Variants in ITGBL1 observed in about 807,000 individuals in gnomAD.
ITGBL1 encodes the protein integrin beta-like protein 1.
Under a neutral mutation model 68.5 loss-of-function variants are expected in ITGBL1, and 51 were observed. That is an observed-to-expected ratio of 0.74 (90% CI 0.59 to 0.94). The LOEUF is 0.94. ITGBL1 is among the 40% of genes least tolerant of loss of function. The probability of loss-of-function intolerance (pLI) is 0.00; values close to 1 mark genes in which losing one functional copy is unlikely to be tolerated. For missense variants in ITGBL1, 649 were observed against 647.4 expected (o/e 1.00, Z -0.03); for synonymous variants, 209 against 227.3 (o/e 0.92, Z 0.72).
At chr13:101,676,461 C>T (rs1244181790) in intron 7 of ITGBL1, among the ~76,000 whole-genome samples, 1 of 152,148 alleles carries the variant, frequency 6.6e-6, no homozygotes, top group Non-Finnish European at 1.5e-5. Flanking sequence ...GTTCCAATTA[C>T]TGTATTTGCA....
At position 101,629,983 on chromosome 13, in the gene ITGBL1, C is replaced by T. The variant is rs559255747; in HGVS notation, c.1015+31684C>T. On this transcript the variant is annotated intron_variant, in intron 7 of 10. Transcript: ENST00000376180. Reference sequence around the variant, plus strand: ...GATTACAGGTGCCTGCCACCACGCCCGGCTCATTTTTTGTATTTTTAGTAG... The same window carrying T: ...GATTACAGGTGCCTGCCACCACGCCTGGCTCATTTTTTGTATTTTTAGTAG... Among the ~76,000 whole-genome samples the T allele has an allele frequency of 2.1e-3, 316 of 152,078 alleles. 1 individual carries two copies. Among genetic ancestry groups the T allele is most frequent in the African/African-American group, 7.1e-3 (293 of 41,498 alleles).
intron 2 of ITGBL1, among the ~76,000 whole-genome samples, chr13:101,465,158 T>C (rs769493324): frequency 6.6e-6 from 1 of 152,298 alleles, no homozygotes; most frequent in Non-Finnish European, 1.5e-5. Flanking sequence ...ATACTAAAAC[T>C]GTGCAAAGAT....
intron 4 of ITGBL1, among the ~76,000 whole-genome samples, chr13:101,576,528 T>C (rs1390912913): frequency 2.0e-5 from 3 of 152,184 alleles, no homozygotes; most frequent in African/African-American, 7.2e-5. Context: ...GGGATTCCAG[T>C]TGAAGGAAGA....
At chr13:101,612,484 A>G (rs2031179365) in intron 7 of ITGBL1, among the ~76,000 whole-genome samples, 1 of 152,118 alleles carries the variant, frequency 6.6e-6, no homozygotes, top group Admixed American at 6.6e-5. Flanking sequence ...AAGTCTGGGT[A>G]TGGTTAATGA....
intron 9 of ITGBL1, chr13:101,712,701 T>C (rs572537505): frequency 6.6e-6 from 1 of 152,328 alleles, no homozygotes; most frequent in East Asian, 1.9e-4. Flanking sequence ...GTCAATGAAA[T>C]ACTCCATGTG....
chr13:101,637,481 C>T (rs1043794043), intron 7 of ITGBL1, among the ~76,000 whole-genome samples: 7 of 151,672 alleles, frequency 4.6e-5, no homozygotes, highest in Non-Finnish European at 1.5e-5. Context: ...GTAGCTGGGA[C>T]TACAGGCACG....
At chr13:101,503,808 A>G (rs1256608801) in intron 2 of ITGBL1, among the ~76,000 whole-genome samples, 2 of 152,204 alleles carry the variant, frequency 1.3e-5, no homozygotes, top group African/African-American at 2.4e-5. Context: ...GATGGACTAG[A>G]TGATGGATGC....
intron 2 of ITGBL1, among the ~76,000 whole-genome samples, chr13:101,544,096 G>A (rs887840649): frequency 6.6e-6 from 1 of 152,182 alleles, no homozygotes; most frequent in African/African-American, 2.4e-5. Context: ...TTGCTGGTGA[G>A]GAGCTGCGTT....
intron 2 of ITGBL1, among the ~76,000 whole-genome samples, chr13:101,473,639 G>A (rs982258110): frequency 2.0e-5 from 3 of 152,188 alleles, no homozygotes; most frequent in Non-Finnish European, 4.4e-5. Context: ...GCCAGTGGAT[G>A]TGGGATGCAT....
Position 101,454,027 on chromosome 13 carries a change from G to A in ITGBL1, c.243G>A (p.Pro81=), listed in dbSNP as rs1594817537. 2.5e-6 allele frequency: 4 copies of A among 1,588,750 alleles called. No homozygotes were observed. The South Asian group carries it at 3.5e-5, about 14-fold the overall frequency. ...TCTGCATCTGCCACGTGACTGAGCCGGGCATGTTCTTCGGGCCCCTGTGTG... is the reference window on the plus strand; with the variant it reads ...TCTGCATCTGCCACGTGACTGAGCCAGGCATGTTCTTCGGGCCCCTGTGTG... ...CGVCICHVTE[P]GMFFGPLCEC... is the part of the protein sequence containing the mutation. The change falls in exon 2 of 11, where the codon CCG becomes CCA. Residue 81 remains proline, a synonymous_variant. Transcript: ENST00000376180.
At chr13:101,453,083 C>T (rs2048186886) in intron 1 of ITGBL1, 152 bp downstream of exon 1, 1 of 623,724 alleles carries the variant, frequency 1.6e-6, no homozygotes, top group Non-Finnish European at 2.9e-6. Flanking sequence ...CTCCTTATAT[C>T]TACAGCGTGT....
At chr13:101,482,582 A>T (rs764260918) in intron 2 of ITGBL1, among the ~76,000 whole-genome samples, 2 of 152,122 alleles carry the variant, frequency 1.3e-5, no homozygotes, top group Non-Finnish European at 2.9e-5. Context: ...AAACACCCTA[A>T]ATATACCATG....
At chr13:101,538,095 C>T (rs1159321216) in intron 2 of ITGBL1, among the ~76,000 whole-genome samples, 2 of 151,786 alleles carry the variant, frequency 1.3e-5, no homozygotes, top group Non-Finnish European at 2.9e-5. Context: ...ATTATAATTT[C>T]ATGTATGTAA....
At chr13:101,511,665 T>C (rs2139111973) in intron 2 of ITGBL1, among the ~76,000 whole-genome samples, 1 of 152,192 alleles carries the variant, frequency 6.6e-6, no homozygotes, top group Non-Finnish European at 1.5e-5. Flanking sequence ...AGAAGCAAGT[T>C]TCCATACATC....
At chr13:101,469,760 G>A (rs1011341105) in intron 2 of ITGBL1, among the ~76,000 whole-genome samples, 5 of 152,126 alleles carry the variant, frequency 3.3e-5, no homozygotes, top group Admixed American at 2.6e-4. Flanking sequence ...GTGGCAATGC[G>A]CTGATCTTTT....
rs115468583 is a variant in ITGBL1 at position 101,644,171 on chromosome 13, C to T, written c.1015+45872C>T. 5.9e-3 allele frequency among the ~76,000 whole-genome samples: 899 copies of T among 152,148 alleles called. 11 individuals are homozygous for T. Among genetic ancestry groups the T allele is most frequent in the African/African-American group, 0.021 (853 of 41,484 alleles). ...AGCTTCCAGTTACCCTCATACTTGT[C>T]GAGTACAGTCTAATGGAGAATAAAA... On this transcript the variant is annotated intron_variant, in intron 7 of 10. Coordinates refer to ENST00000376180, the MANE Select transcript of ITGBL1 (RefSeq NM_004791.3).
chr13:101,464,566 C>T (rs1442760480), intron 2 of ITGBL1, among the ~76,000 whole-genome samples: 1 of 151,682 alleles, frequency 6.6e-6, no homozygotes, highest in Non-Finnish European at 1.5e-5. Context: ...TATATATCCT[C>T]CTATATATTA....
chr13:101,649,272 T>C (rs1365922267), intron 7 of ITGBL1, among the ~76,000 whole-genome samples: 1 of 152,166 alleles, frequency 6.6e-6, no homozygotes, highest in African/African-American at 2.4e-5. Flanking sequence ...TGAGAAATTA[T>C]TCAAAACACA....
At chr13:101,575,982 C>T (rs565806812) in intron 4 of ITGBL1, among the ~76,000 whole-genome samples, 1 of 152,260 alleles carries the variant, frequency 6.6e-6, no homozygotes, top group South Asian at 2.1e-4. Context: ...TTTACCTCCC[C>T]CTCTCTGTCC....
Sources: allele counts gnomAD v4.1 joint callset (sites outside exome capture counted in the v4.1 genomes callset), GRCh38; gene constraint gnomAD v4.1.1; transcripts MANE v1.5; gene names NCBI Gene and HGNC (gene_info 2026-07-23, HGNC 2026-07-21).